ADGRD2: variants seen among roughly 807,000 people sequenced by gnomAD.
ADGRD2 encodes the protein adhesion G protein-coupled receptor D2, also known as G protein-coupled receptor PGR24.
ADGRD2 carries 71 observed loss-of-function variants against 44.4 expected under a neutral mutation model. The observed-to-expected ratio is 1.60, with a 90% CI of 1.32 to 1.95. The LOEUF is 1.95. Among genes scored for constraint, ADGRD2 ranks in the 30% most tolerant of loss-of-function variants. The pLI is 0.00. For missense variants in ADGRD2, 1,039 were observed against 512.4 expected (o/e 2.03, Z -9.92); for synonymous variants, 481 against 224.8 (o/e 2.14, Z -10.19).
intron 17 of ADGRD2, 89 bp downstream of exon 20, chr9:124,470,703 G>A (rs1323196563): frequency 3.2e-6 from 2 of 619,562 alleles, no homozygotes; most frequent in African/African-American, 3.6e-5. Context: ...CTGGGAGGGT[G>A]AGCTCTCCAT....
At chr9:124,456,351 C>T (rs73666891) in intron 6 of ADGRD2, among the ~76,000 whole-genome samples, 2,112 of 152,312 alleles carry the variant, frequency 0.014, 52 homozygotes, top group African/African-American at 0.046. Flanking sequence ...GTAGGCATGG[C>T]CCAGCCTTCG....
chr9:124,467,451 G>C, intron 11 of ADGRD2: 1 of 433,050 alleles, frequency 2.3e-6, no homozygotes, highest in Non-Finnish European at 4.1e-6. Context: ...ATCCCTCCCC[G>C]TGGGCACGTT....
At chr9:124,478,519 C>A (rs530383860) in exon 22 of ADGRD2, 1 of 152,664 alleles carries the variant, frequency 6.6e-6, no homozygotes, top group Non-Finnish European at 1.5e-5. Context: ...TCTGCTCCTT[C>A]CCCCATGCTC....
At chr9:124,471,173 A>C (rs901653686) in intron 17 of ADGRD2, among the ~76,000 whole-genome samples, 1 of 152,164 alleles carries the variant, frequency 6.6e-6, no homozygotes, top group African/African-American at 2.4e-5. Context: ...GTGGGGGGCC[A>C]GAACATTAAC....
exon 14 of ADGRD2, chr9:124,468,541 T>A (rs968461685): frequency 7.0e-6 from 5 of 718,470 alleles, no homozygotes; most frequent in African/African-American, 3.5e-5. Context: ...GCTGTCACAG[T>A]CGCAATGCAC....
exon 3 of ADGRD2, chr9:124,453,278 A>G: frequency 2.0e-6 from 1 of 495,606 alleles, no homozygotes; most frequent in Non-Finnish European, 3.5e-6. Flanking sequence ...GTGCGTGGGC[A>G]GCACGCGCCC....
intron 17 of ADGRD2, among the ~76,000 whole-genome samples, chr9:124,472,780 T>C (rs1371818346): frequency 6.6e-6 from 1 of 152,236 alleles, no homozygotes; most frequent in Non-Finnish European, 1.5e-5. Flanking sequence ...AGTGCTGGGA[T>C]TACAGGCATG....
At chr9:124,455,340 C>T (rs1588600396) in intron 6 of ADGRD2, among the ~76,000 whole-genome samples, 1 of 152,228 alleles carries the variant, frequency 6.6e-6, no homozygotes, top group South Asian at 2.1e-4. Flanking sequence ...CCCATAATCC[C>T]AGCACTTTGG....
intron 6 of ADGRD2, among the ~76,000 whole-genome samples, chr9:124,455,589 CAA>C (rs34178298): frequency 5.3e-4 from 76 of 142,722 alleles, no homozygotes; most frequent in Admixed American, 8.3e-4. Flanking sequence ...GACTCTGTCT[CAA>C]AAAAAAAAAA....
rs115539672 is a variant in ADGRD2 at position 124,460,069 on chromosome 9, A to G, written c.1870+1348A>G. On this transcript the variant is annotated intron_variant, in intron 10 of 21. Transcript: ENST00000334810. ...CAGAGAAAGCAAGTCTTCTTTGCTC[A>G]CAACCAGTAATCTTGGACACACACA... 2.8e-3 allele frequency among the ~76,000 whole-genome samples: 383 copies of G among 136,246 alleles called. 2 individuals carry two copies. The highest frequency in any genetic ancestry group is 0.011 in the African/African-American group (362 of 33,340). The allele number at this position is 136,246 out of a possible 152,430, so 89.4% of individuals were successfully genotyped here.
At chr9:124,469,064 C>T (rs1251759567) in intron 14 of ADGRD2, among the ~76,000 whole-genome samples, 158 bp from the exon 18 acceptor site, 2 of 152,194 alleles carry the variant, frequency 1.3e-5, no homozygotes, top group African/African-American at 4.8e-5. Flanking sequence ...AATGCCACCC[C>T]AACAGCATCA....
rs397947760 is a variant in ADGRD2, at chr9:124,474,276, CAAAAAAAAA to C, written c.2759-1156_2759-1148del. On this transcript the variant is annotated intron_variant, in intron 17 of 21. Coordinates refer to ENST00000334810, the Ensembl canonical transcript of ADGRD2. ...GGCAATAAGAGTGAAAACTCTGTCT[CAAAAAAAAA>C]AAAAAAAAAAAAAGAGCTCAGATTT... Among the ~76,000 whole-genome samples the C allele has an allele frequency of 1.1e-4, 9 of 80,648 alleles. 1 individual carries two copies. The South Asian group carries it at 3.7e-3, about 33-fold the overall frequency. The allele number at this position is 80,648 out of a possible 152,430, so 52.9% of individuals were successfully genotyped here.
exon 8 of ADGRD2, chr9:124,457,553 G>A (rs1442017433): frequency 5.8e-6 from 4 of 685,406 alleles, no homozygotes; most frequent in Middle Eastern, 2.3e-4. Flanking sequence ...CGTCCAGAGG[G>A]GCCCGGCCAT....
intron 16 of ADGRD2, 55 bp from the exon 20 acceptor site, chr9:124,470,439 G>A (rs1488076327): frequency 1.9e-5 from 13 of 688,152 alleles, no homozygotes; most frequent in Non-Finnish European, 3.5e-5. Context: ...CTGGAGCCCT[G>A]CGGGGAGCTC....
chr9:124,451,704 T>C (rs144011478), upstream of ADGRD2: 1,789 of 256,950 alleles, frequency 7.0e-3, 30 homozygotes, highest in African/African-American at 0.038. Flanking sequence ...TGCCTCCTGG[T>C]ACCTTCACTT....
In ADGRD2 at chr9:124,453,105, T is replaced by G. The variant is rs756950149; in HGVS notation, c.354T>G (p.Pro118=). Residue 118 remains proline, a synonymous_variant, in exon 3 of 22, where the codon CCT becomes CCG. Coordinates refer to ENST00000334810, the Ensembl canonical transcript of ADGRD2. ...ACCGGGCGGCGCGGCTGCGGAGCCC[T>G]CTGCCTGAGCTGGCAGCGCTGACCG... The G allele has an allele frequency of 3.1e-5, 22 of 700,350 alleles. 1 individual carries two copies. In the South Asian group the frequency reaches 3.3e-4, roughly 10 times the overall value. 43.4% of individuals were successfully genotyped at this position (700,350 alleles called of 1,614,324 possible).
intron 9 of ADGRD2, 82 bp downstream of exon 12, chr9:124,458,318 A>ATGTGTCC (rs1831656591): frequency 5.8e-6 from 4 of 691,922 alleles, no homozygotes; most frequent in Non-Finnish European, 1.1e-5. Flanking sequence ...TGGTGGGCGC[A>ATGTGTCC]TGTGTCCTTA....
exon 19 of ADGRD2, chr9:124,475,586 C>A: frequency 1.4e-6 from 1 of 709,176 alleles, no homozygotes; most frequent in South Asian, 1.5e-5. Context: ...GAGCGCCCTG[C>A]AGAGGATGGC....
rs1382409846 is a variant in ADGRD2, at chr9:124,460,580, C to A, written c.1870+1859C>A. On this transcript the variant is annotated intron_variant, in intron 10 of 21. Transcript: ENST00000334810. ...TCATCTAGTATGTGTTGAGGCCTGG[C>A]TTTTGCTCAGGTCTCATTGGTGAGA... Among the ~76,000 whole-genome samples, 11 of 150,608 alleles carry A rather than the reference C, an allele frequency of 7.3e-5. No individual in the cohort carries two copies. The Admixed American group carries it at 7.4e-4, about 10-fold the overall frequency.
Sources: allele counts gnomAD v4.1 joint callset (sites outside exome capture counted in the v4.1 genomes callset), GRCh38; gene constraint gnomAD v4.1.1; transcripts MANE v1.5; gene names NCBI Gene and HGNC (gene_info 2026-07-23, HGNC 2026-07-21).